BLTP1: variants seen among roughly 807,000 people sequenced by gnomAD.
BLTP1 encodes fragile site-associated protein.
At chr4:122,309,749 A>G in the BLTP1 span, among the ~76,000 whole-genome samples, 7 of 152,026 alleles carry the variant, frequency 4.6e-5, no homozygotes, top group African/African-American at 1.7e-4. Flanking sequence ...CAGATAAAGC[A>G]TTTTTGACCT....
chr4:122,355,958 A>T, the BLTP1 span: 1 of 1,611,460 alleles, frequency 6.2e-7, no homozygotes, highest in Non-Finnish European at 8.5e-7. Context: ...AAATCCATTC[A>T]TGTTCAAGAA....
At chr4:122,293,579 T>C in the BLTP1 span, among the ~76,000 whole-genome samples, 8 of 151,696 alleles carry the variant, frequency 5.3e-5, no homozygotes, top group Non-Finnish European at 1.5e-5. Flanking sequence ...AGCACAGAGC[T>C]GTGTGGAGTC....
At chr4:122,356,412 C>T in the BLTP1 span, among the ~76,000 whole-genome samples, 1 of 152,162 alleles carries the variant, frequency 6.6e-6, no homozygotes, top group African/African-American at 2.4e-5. Flanking sequence ...ATTTGAAAGA[C>T]ATCTGATCCC....
At chr4:122,174,164 A>G in the BLTP1 span, 2 of 978,786 alleles carry the variant, frequency 2.0e-6, no homozygotes, top group Non-Finnish European at 2.4e-6. Flanking sequence ...AGTACCTTTT[A>G]GTCGACATAA....
the BLTP1 span, chr4:122,280,158 G>A: frequency 1.0e-6 from 1 of 985,420 alleles, no homozygotes; most frequent in Non-Finnish European, 1.2e-6. Context: ...ACTTTTGAAA[G>A]CATTAAAGTA....
At chr4:122,238,108 G>A in the BLTP1 span, 2 of 1,613,908 alleles carry the variant, frequency 1.2e-6, no homozygotes, top group South Asian at 2.2e-5. Flanking sequence ...TGAATGGCAT[G>A]AAGAGGAAAG....
At chr4:122,328,151 T>G in the BLTP1 span, 1 of 1,610,302 alleles carries the variant, frequency 6.2e-7, no homozygotes, top group Non-Finnish European at 8.5e-7. Flanking sequence ...CCATTGAAGG[T>G]CCATCCCATT....
At chr4:122,346,387 G>A in the BLTP1 span, 5 of 861,304 alleles carry the variant, frequency 5.8e-6, no homozygotes, top group Non-Finnish European at 7.0e-6. Context: ...GAACTTCTCT[G>A]AGGATTTCAT....
chr4:122,329,332 T>C, the BLTP1 span, among the ~76,000 whole-genome samples: 1 of 151,752 alleles, frequency 6.6e-6, no homozygotes, highest in Non-Finnish European at 1.5e-5. Context: ...TGGTTATCTT[T>C]TTCAGTTCTG....
chr4:122,159,975 C>T, the BLTP1 span, among the ~76,000 whole-genome samples: 3 of 152,306 alleles, frequency 2.0e-5, no homozygotes, highest in South Asian at 6.2e-4. Flanking sequence ...AGTGACCCTT[C>T]CTAGGTAGCA....
At chr4:122,238,349 A>G in the BLTP1 span, 3 of 1,613,062 alleles carry the variant, frequency 1.9e-6, no homozygotes, top group Admixed American at 3.3e-5. Flanking sequence ...TGGCCAAGCA[A>G]GGTCAGTATT....
At chr4:122,276,420 G>A in the BLTP1 span, 1 of 970,082 alleles carries the variant, frequency 1.0e-6, no homozygotes, top group Non-Finnish European at 1.2e-6. Context: ...CAAAACATCT[G>A]TACATCTCAG....
At chr4:122,272,386 T>G in the BLTP1 span, 1 of 1,611,834 alleles carries the variant, frequency 6.2e-7, no homozygotes. Flanking sequence ...GCAGTTTTAC[T>G]CTTAAGGAAA....
the BLTP1 span, chr4:122,192,532 GTGGCTTCTCCACAAGCAAGT>G: frequency 4.8e-6 from 1 of 209,300 alleles, no homozygotes; most frequent in South Asian, 1.7e-4. Context: ...AAACTTGCTT[GTGGCTTCTCCACAAGCAAGT>G]TCATTCCAAA....
At chr4:122,281,584 A>G in the BLTP1 span, 1 of 1,612,516 alleles carries the variant, frequency 6.2e-7, no homozygotes, top group South Asian at 1.1e-5. Flanking sequence ...CTTCTGAAAA[A>G]ACCCCAACAA....
chr4:122,200,981 T>C, the BLTP1 span: 1 of 1,600,184 alleles, frequency 6.2e-7, no homozygotes, highest in Non-Finnish European at 8.5e-7. Flanking sequence ...TAAGCCTTAA[T>C]TACTTTTACC....
the BLTP1 span, chr4:122,316,546 A>G: frequency 8.5e-6 from 6 of 702,282 alleles, no homozygotes; most frequent in Non-Finnish European, 1.2e-5. Flanking sequence ...CTCATGGGGA[A>G]ACGTAGGTAG....
At chr4:122,338,965 T>C in the BLTP1 span, among the ~76,000 whole-genome samples, 1 of 152,166 alleles carries the variant, frequency 6.6e-6, no homozygotes, top group Admixed American at 6.6e-5. Flanking sequence ...ATCAAATGAG[T>C]AAACATGATC....
At chr4:122,204,080 A>G in the BLTP1 span, among the ~76,000 whole-genome samples, 10 of 152,074 alleles carry the variant, frequency 6.6e-5, no homozygotes, top group Non-Finnish European at 1.3e-4. Context: ...AACAAACATT[A>G]AATATGATCT....
Sources: gnomAD v4.1 joint callset for allele counts (sites outside exome capture counted in the v4.1 genomes callset) on GRCh38, gnomAD v4.1.1 for gene constraint, MANE v1.5 for transcripts, NCBI Gene and HGNC (gene_info 2026-07-23, HGNC 2026-07-21) for gene names.